The following PDE4D variants were observed in gnomAD, a reference collection of about 807,000 sequenced individuals.
The protein encoded by PDE4D is phosphodiesterase 4D.
PDE4D carries 24 observed loss-of-function variants against 87.4 expected under a neutral mutation model. The ratio of observed to expected loss-of-function variants is 0.27; its 90% CI spans 0.20 to 0.39. The LOEUF (loss-of-function observed/expected upper bound fraction) is 0.39, where lower values mean the gene tolerates loss of function less well. Among genes scored for constraint, PDE4D ranks in the 10% least tolerant of loss-of-function variants. The pLI is 1.00. For missense variants in PDE4D, 714 were observed against 1,041.0 expected (o/e 0.69, Z 4.32); for synonymous variants, 384 against 383.2 (o/e 1.00, Z -0.02).
At chr5:59,384,141 A>G (rs893672246) in intron 1 of PDE4D, among the ~76,000 whole-genome samples, 9 of 152,260 alleles carry the variant, frequency 5.9e-5, no homozygotes, top group Admixed American at 3.3e-4. Context: ...CCTGGACTCG[A>G]GCAATCCTCC....
intron 1 of PDE4D, among the ~76,000 whole-genome samples, chr5:59,448,105 G>A (rs1798607618): frequency 6.6e-6 from 1 of 152,216 alleles, no homozygotes; most frequent in South Asian, 2.1e-4. Context: ...CAGATTTTAA[G>A]AAGACGTGTA....
intron 2 of PDE4D, among the ~76,000 whole-genome samples, chr5:60,073,046 AT>A (rs1772896301): frequency 6.6e-6 from 1 of 152,040 alleles, no homozygotes; most frequent in South Asian, 2.1e-4. Flanking sequence ...TTAAAATACT[AT>A]GTTGAATAGG....
chr5:59,527,232 T>A (rs1049387738), intron 1 of PDE4D, among the ~76,000 whole-genome samples: 4 of 152,204 alleles, frequency 2.6e-5, no homozygotes, highest in Admixed American at 2.0e-4. Flanking sequence ...ATGTAAATTT[T>A]AAATTTACAT....
chr5:60,242,548 A>C (rs1583188910), intron 1 of PDE4D, among the ~76,000 whole-genome samples: 1 of 152,154 alleles, frequency 6.6e-6, no homozygotes, highest in African/African-American at 2.4e-5. Flanking sequence ...TCCTCAGCAC[A>C]TGGATCATTC....
chr5:60,053,261 G>A (rs1457163696), intron 2 of PDE4D, among the ~76,000 whole-genome samples: 3 of 152,148 alleles, frequency 2.0e-5, no homozygotes, highest in Non-Finnish European at 4.4e-5. Flanking sequence ...GAACAAAGCT[G>A]GAGGCATCAT....
At chr5:59,262,716 G>A (rs954110706) in intron 1 of PDE4D, among the ~76,000 whole-genome samples, 9 of 151,904 alleles carry the variant, frequency 5.9e-5, no homozygotes, top group African/African-American at 2.2e-4. Flanking sequence ...GAGTGAGCCT[G>A]AAGTGGTGGT....
Position 59,011,557 on chromosome 5 carries a change from T to TGAAATGAAA in PDE4D, c.922-18093_922-18092insTTTCATTTC, listed in dbSNP as rs553695160. Among the ~76,000 whole-genome samples the TGAAATGAAA allele has an allele frequency of 1.0e-3, 149 of 149,062 alleles. 2 individuals carry two copies. Among genetic ancestry groups the TGAAATGAAA allele is most frequent in the African/African-American group, 3.5e-3 (135 of 38,636 alleles). On this transcript the variant is annotated intron_variant, in intron 6 of 14. Transcript: ENST00000340635. ...AAGAAAGGGTATCAGTGATTGAAGA[T>TGAAATGAAA]GAAATGAATGAAATGAATGAAATGA... is the stretch of plus-strand genomic sequence containing the variant.
intron 1 of PDE4D, among the ~76,000 whole-genome samples, chr5:59,386,717 A>AAGAAAG (rs1449223070): frequency 1.6e-5 from 2 of 127,984 alleles, no homozygotes; most frequent in Admixed American, 1.6e-4. Context: ...GAGGGAGGGA[A>AAGAAAG]AGAAAGAGAA....
chr5:60,119,312 T>C (rs1778452712), intron 2 of PDE4D, among the ~76,000 whole-genome samples: 1 of 152,192 alleles, frequency 6.6e-6, no homozygotes, highest in Admixed American at 6.5e-5. Flanking sequence ...GAAAGTTCTG[T>C]AAGTTTCAGG....
intron 1 of PDE4D, among the ~76,000 whole-genome samples, chr5:60,268,428 T>C (rs560933383): frequency 3.9e-5 from 6 of 152,206 alleles, no homozygotes; most frequent in East Asian, 3.9e-4. Context: ...AGAATAACAT[T>C]AGTAACCACC....
At chr5:60,231,568 C>G (rs1745814247) in intron 1 of PDE4D, among the ~76,000 whole-genome samples, 2 of 151,908 alleles carry the variant, frequency 1.3e-5, no homozygotes. Context: ...TCATCACTTG[C>G]AACCAGTATG....
chr5:59,199,957 T>C (rs1049403717), intron 2 of PDE4D, among the ~76,000 whole-genome samples: 17 of 151,398 alleles, frequency 1.1e-4, no homozygotes, highest in Admixed American at 1.3e-4. Context: ...CATACATGTA[T>C]ACATACAGGC....
rs138082030 is a variant in PDE4D, at chr5:59,533,867, G to A, written c.456-317899C>T. On this transcript the variant is annotated intron_variant, in intron 1 of 14. Coordinates refer to ENST00000340635, the MANE Select transcript of PDE4D (RefSeq NM_001104631.2). ...AAATATCTTATAATCTTGTTTGATA[G>A]TGTATATGAAAAAGCACAATTGCTT... Among the ~76,000 whole-genome samples, 744 of 152,236 alleles carry A rather than the reference G, an allele frequency of 4.9e-3. 5 individuals are homozygous for A. Among genetic ancestry groups the A allele is most frequent in the African/African-American group, 0.016 (684 of 41,522 alleles).
At chr5:58,999,730 T>C (rs1750084334) in intron 6 of PDE4D, 1 of 1,056,958 alleles carries the variant, frequency 9.5e-7, no homozygotes, top group East Asian at 6.4e-5. Flanking sequence ...TCCCATCGAA[T>C]ACATGCCATT....
At chr5:60,284,692 C>A (rs1752252221) in intron 1 of PDE4D, among the ~76,000 whole-genome samples, 1 of 152,074 alleles carries the variant, frequency 6.6e-6, no homozygotes, top group Non-Finnish European at 1.5e-5. Context: ...CTTTGTTCAC[C>A]TTTCATCCCC....
chr5:59,176,347 G>A (rs1347875910), intron 5 of PDE4D, among the ~76,000 whole-genome samples: 2 of 152,132 alleles, frequency 1.3e-5, no homozygotes, highest in East Asian at 3.9e-4. Context: ...GAGGTCAGGA[G>A]TTCAAGACCA....
rs11356537 is a variant in PDE4D at position 59,427,817 on chromosome 5, CAAAAAAA to C, written c.456-211856_456-211850del. Among the ~76,000 whole-genome samples the C allele has an allele frequency of 1.0e-4, 7 of 66,680 alleles. No individual in the cohort carries two copies. In the East Asian group the frequency reaches 1.7e-3, roughly 16 times the overall value. The allele number at this position is 66,680 out of a possible 152,430, so 43.7% of individuals were successfully genotyped here. A position where few individuals can be genotyped will look rare whatever the true frequency, so the allele number is the denominator to read the frequency against. ...TGGCCAACAGACACAGACCCTGTCT[CAAAAAAA>C]AAAAAAAAAAAGAAATTGCTATACT... On this transcript the variant is annotated intron_variant, in intron 1 of 14. Transcript: ENST00000340635.
intron 1 of PDE4D, among the ~76,000 whole-genome samples, chr5:59,451,795 A>G (rs571864901): frequency 6.6e-6 from 1 of 152,330 alleles, no homozygotes; most frequent in East Asian, 1.9e-4. Flanking sequence ...TATACAATGC[A>G]GCCACTGACT....
At chr5:59,924,483 C>T (rs1012098864) in intron 3 of PDE4D, among the ~76,000 whole-genome samples, 1 of 149,402 alleles carries the variant, frequency 6.7e-6, no homozygotes, top group Non-Finnish European at 1.5e-5. Flanking sequence ...CTAAAAGCAA[C>T]AGGAGAAAAT....
Sources: allele counts gnomAD v4.1 joint callset (sites outside exome capture counted in the v4.1 genomes callset), GRCh38; gene constraint gnomAD v4.1.1; transcripts MANE v1.5; gene names NCBI Gene and HGNC (gene_info 2026-07-23, HGNC 2026-07-21).